Variants in KCTD1 observed in about 807,000 individuals in gnomAD.
The protein encoded by KCTD1 is BTB/POZ domain-containing protein KCTD1.
Under a neutral mutation model 66.0 loss-of-function variants are expected in KCTD1, and 24 were observed. The observed-to-expected ratio is 0.36, with a 90% CI of 0.26 to 0.51. The LOEUF is 0.51. Ranked by LOEUF, KCTD1 falls within the 20% of genes least tolerant of loss-of-function variation. The pLI is 0.95. For synonymous variants in KCTD1, 511 were observed against 517.2 expected, an observed-to-expected ratio of 0.99 and a Z score of 0.16; for missense variants, 943 against 1,205.2, an observed-to-expected ratio of 0.78 and a Z score of 3.22.
rs1985378656 is a variant in KCTD1, at chr18:26,548,428, C to G, written c.109G>C (p.Gly37Arg). 7.0e-6 allele frequency: 10 copies of G among 1,421,558 alleles called. No individual in the cohort carries two copies. The highest frequency in any genetic ancestry group is 9.2e-6 in the Non-Finnish European group (10 of 1,085,992). The allele number at this position is 1,421,558 out of a possible 1,614,324, so 88.1% of individuals were successfully genotyped here. A position where few individuals can be genotyped will look rare whatever the true frequency, so the allele number is the denominator to read the frequency against. Residue 37 changes from glycine to arginine, a missense_variant, in exon 1 of 5, where the codon GGC becomes CGC. Physicochemically the swap from Gly to Arg is moderately radical, Grantham distance 125. Transcript: ENST00000580059. Reference protein sequence around the residue: ...NNGERGEGERGAGGRGRRHSR... With the variant: ...NNGERGEGERRAGGRGRRHSR... ...TGGCGGCGGCCGCGGCCCCCCGCGC[C>G]GCGCTCGCCCTCGCCCCGCTCCCCA...
intron 2 of KCTD1, among the ~76,000 whole-genome samples, chr18:26,491,723 G>A (rs1308692140): frequency 2.6e-5 from 4 of 152,318 alleles, no homozygotes; most frequent in African/African-American, 4.8e-5. Context: ...GCTCACATGG[G>A]TAACCCATGT....
chr18:26,642,276 C>A (rs752588390), upstream of KCTD1, among the ~76,000 whole-genome samples: 6 of 152,156 alleles, frequency 3.9e-5, no homozygotes, highest in Admixed American at 1.3e-4. Flanking sequence ...CTCCTTAGAG[C>A]GAGTGACCAC....
intron 1 of KCTD1, chr18:26,629,057 AG>A: frequency 2.4e-6 from 1 of 418,442 alleles, no homozygotes; most frequent in Non-Finnish European, 3.2e-6. Flanking sequence ...CAAGATGATC[AG>A]GAAGTGCTGG....
intron 3 of KCTD1, among the ~76,000 whole-genome samples, chr18:26,475,001 T>C (rs902886906): frequency 2.2e-4 from 34 of 152,348 alleles, no homozygotes; most frequent in Non-Finnish European, 4.4e-5. Flanking sequence ...TACTGACTAT[T>C]GCTTTCTTTT....
At chr18:26,499,744 A>C (rs965715121) in intron 2 of KCTD1, among the ~76,000 whole-genome samples, 1 of 152,220 alleles carries the variant, frequency 6.6e-6, no homozygotes, top group African/African-American at 2.4e-5. Flanking sequence ...TTCATAAGAC[A>C]TTCTGAAAAA....
chr18:26,501,038 C>T lies in KCTD1; in HGVS notation c.1988+34G>A, dbSNP rs766233480. ...AAAAACAGGTTACCAAATACATGCA[C>T]GTCGGAGTCTGATTTTTCAGTTTTT... On this transcript the variant is annotated intron_variant, in intron 2 of 4. Coordinates refer to ENST00000580059, the MANE Select transcript of KCTD1 (RefSeq NM_001142730.3). The T allele has an allele frequency of 1.9e-4, 307 of 1,603,578 alleles. 1 individual carries two copies. The highest frequency in any genetic ancestry group is 4.5e-4 in the East Asian group (20 of 44,766).
rs182188289 is a variant in KCTD1 at position 26,502,528 on chromosome 18, C to G, written c.1810-1278G>C. 4.9e-4 allele frequency among the ~76,000 whole-genome samples: 74 copies of G among 152,268 alleles called. No individual in the cohort carries two copies. In the East Asian group the frequency reaches 0.013, roughly 28 times the overall value. ...CTCTTGAGAAAATAAATTATTACAT[C>G]CTTTCCATGGATACAATATAAATAT... On this transcript the variant is annotated intron_variant, in intron 1 of 4. Transcript: ENST00000580059.
At chr18:26,529,467 T>G (rs1167138198) in intron 1 of KCTD1, among the ~76,000 whole-genome samples, 1 of 152,210 alleles carries the variant, frequency 6.6e-6, no homozygotes, top group African/African-American at 2.4e-5. Flanking sequence ...TATCAGGGCC[T>G]TTGCTCATGT....
At chr18:26,597,593 C>T (rs575089871) in intron 1 of KCTD1, among the ~76,000 whole-genome samples, 3 of 151,564 alleles carry the variant, frequency 2.0e-5, no homozygotes, top group East Asian at 1.9e-4. Flanking sequence ...TAACTCTTTC[C>T]ACTGAGAGAG....
chr18:26,594,747 G>C (rs1339829017), intron 1 of KCTD1, among the ~76,000 whole-genome samples: 1 of 152,144 alleles, frequency 6.6e-6, no homozygotes, highest in African/African-American at 2.4e-5. Flanking sequence ...TAAATCAGTG[G>C]AGCAGATTAC....
chr18:26,588,881 A>T (rs559267468), intron 1 of KCTD1, among the ~76,000 whole-genome samples: 1 of 109,640 alleles, frequency 9.1e-6, no homozygotes, highest in African/African-American at 3.4e-5. Context: ...GCCCTAATAT[A>T]TACAGTATAG....
intron 1 of KCTD1, among the ~76,000 whole-genome samples, chr18:26,622,504 G>A (rs1598971322): frequency 6.6e-6 from 1 of 152,172 alleles, no homozygotes; most frequent in Non-Finnish European, 1.5e-5. Flanking sequence ...TGGAGTCCTT[G>A]CCAGCCATTG....
At chr18:26,567,101 C>A (rs986711786) in intron 1 of KCTD1, 2 of 152,114 alleles carry the variant, frequency 1.3e-5, no homozygotes, top group Non-Finnish European at 2.9e-5. Context: ...CTCTCTTTGC[C>A]AGTAGAGTTC....
In KCTD1 at chr18:26,546,914, G is replaced by A. The variant is rs566359343; in HGVS notation, c.1623C>T (p.Phe541=). Residue 541 remains phenylalanine (F), a synonymous_variant, in exon 1 of 5, where the codon TTC becomes TTT. Coordinates refer to ENST00000580059, the MANE Select transcript of KCTD1 (RefSeq NM_001142730.3). ...TGGGGCCGCAGATTTCCCCCGACCCGAACACAGACTCGTACAGGGCGCGCT... is the reference window on the plus strand; with the variant it reads ...TGGGGCCGCAGATTTCCCCCGACCCAAACACAGACTCGTACAGGGCGCGCT... ...APKRALYESV[F]GSGEICGPTS... The A allele has an allele frequency of 1.2e-4, 185 of 1,482,148 alleles. No individual in the cohort carries two copies. In the African/African-American group the frequency reaches 1.5e-3, roughly 12 times the overall value. 91.8% of individuals were successfully genotyped at this position (1,482,148 alleles called of 1,614,324 possible). A position where few individuals can be genotyped will look rare whatever the true frequency, so the allele number is the denominator to read the frequency against.
At chr18:26,548,772 G>A, upstream of KCTD1, 1 of 1,124,868 alleles carries the variant, frequency 8.9e-7, no homozygotes, top group Non-Finnish European at 1.1e-6. Context: ...GTAAAGGACG[G>A]AGGCTGACCA....
intron 1 of KCTD1, among the ~76,000 whole-genome samples, chr18:26,597,207 C>G (rs1371735307): frequency 6.6e-6 from 1 of 151,928 alleles, no homozygotes; most frequent in African/African-American, 2.4e-5. Flanking sequence ...GAGGGAACAC[C>G]GAGATGAAAG....
Position 26,527,700 on chromosome 18 carries a change from G to T in KCTD1, c.1809+19028C>A, listed in dbSNP as rs117894865. ...CAATGTTTCAGCAATTGCAGCAAAT[G>T]TACCACGCTGTTTCTAGATGTCAAT... On this transcript the variant is annotated intron_variant, in intron 1 of 4. Transcript: ENST00000580059. Among the ~76,000 whole-genome samples the T allele has an allele frequency of 1.1e-3, 163 of 152,264 alleles. 1 individual carries two copies. The East Asian group carries it at 0.028, about 26-fold the overall frequency.
At chr18:26,585,656 T>G (rs1378061729) in intron 1 of KCTD1, among the ~76,000 whole-genome samples, 1 of 152,224 alleles carries the variant, frequency 6.6e-6, no homozygotes, top group Non-Finnish European at 1.5e-5. Context: ...GAGAATTAAT[T>G]ATATATTTTG....
intron 1 of KCTD1, among the ~76,000 whole-genome samples, chr18:26,554,584 A>G (rs1239908028): frequency 6.6e-6 from 1 of 152,210 alleles, no homozygotes; most frequent in Admixed American, 6.5e-5. Flanking sequence ...ATCCTGGGCT[A>G]TTGTAAATCT....
Sources: gnomAD v4.1 joint callset for allele counts (sites outside exome capture counted in the v4.1 genomes callset) on GRCh38, gnomAD v4.1.1 for gene constraint, MANE v1.5 for transcripts, NCBI Gene and HGNC (gene_info 2026-07-23, HGNC 2026-07-21) for gene names.